ANO10: variants seen among roughly 807,000 people sequenced by gnomAD.
ANO10 encodes the protein anoctamin 10, also known as anoctamin-10.
In ANO10, 77 loss-of-function variants were observed where a neutral mutation model predicts 74.7. That is an observed-to-expected ratio of 1.03 (90% confidence interval 0.86 to 1.25). ANO10 has a LOEUF of 1.25. Among genes scored for constraint, ANO10 ranks in the 50% most tolerant of loss-of-function variants. The probability of loss-of-function intolerance (pLI) is 0.00; values close to 1 mark genes in which losing one functional copy is unlikely to be tolerated. For synonymous variants in ANO10, 279 were observed against 284.9 expected (o/e 0.98, Z 0.21); for missense variants, 721 against 778.1 (o/e 0.93, Z 0.87).
At chr3:43,624,044 A>T (rs1431238108), upstream of ANO10, among the ~76,000 whole-genome samples, 1 of 152,230 alleles carries the variant, frequency 6.6e-6, no homozygotes, top group Non-Finnish European at 1.5e-5. Flanking sequence ...ATGGAAATAT[A>T]AAAGTCATTT....
Position 43,448,873 on chromosome 3 carries a change from C to CTT in ANO10, c.1798-16148_1798-16147dup, listed in dbSNP as rs35711363. Among the ~76,000 whole-genome samples the CTT allele has an allele frequency of 8.6e-3, 1,160 of 134,178 alleles. 17 individuals carry two copies. The highest frequency in any genetic ancestry group is 0.011 in the Non-Finnish European group (726 of 63,326). 88.0% of individuals were successfully genotyped at this position (134,178 alleles called of 152,430 possible). On this transcript the variant is annotated intron_variant, in intron 11 of 12. Coordinates refer to ENST00000292246, the MANE Select transcript of ANO10 (RefSeq NM_018075.5). ...GTTTTCTTTCTTTCTTTCTTTCTTTCTTTTTTTTTTTTTTTGGAGACAGAG... is the reference window on the plus strand; with the variant it reads ...GTTTTCTTTCTTTCTTTCTTTCTTTCTTTTTTTTTTTTTTTTTGGAGACAGAG...
At chr3:43,676,296 A>G (rs2084120377) in intron 1 of ANO10, among the ~76,000 whole-genome samples, 1 of 145,018 alleles carries the variant, frequency 6.9e-6, no homozygotes. Flanking sequence ...CTGTATGTAC[A>G]AAAAAAAGAA....
chr3:43,443,809 T>C (rs1292206400), intron 11 of ANO10, among the ~76,000 whole-genome samples: 1 of 151,056 alleles, frequency 6.6e-6, no homozygotes, highest in African/African-American at 2.4e-5. Context: ...GCCTCCTGAG[T>C]AGCTGGGATT....
intron 1 of ANO10, among the ~76,000 whole-genome samples, chr3:43,683,445 G>A (rs887284387): frequency 1.3e-5 from 2 of 152,112 alleles, no homozygotes; most frequent in African/African-American, 4.8e-5. Flanking sequence ...CAAACAAATG[G>A]AAGAACATTC....
At chr3:43,566,474 C>T (rs559489669) in intron 7 of ANO10, among the ~76,000 whole-genome samples, 15 of 152,302 alleles carry the variant, frequency 9.8e-5, no homozygotes, top group South Asian at 8.3e-4. Flanking sequence ...TCTCCCAGCA[C>T]GCAGCTGGAG....
Position 43,549,642 on chromosome 3 carries a change from C to A in ANO10, c.1797+78G>T, listed in dbSNP as rs9874278. ...ATATTGCTCAATTGTCAGTCATGGA[C>A]AGCCCGAGACAGCACTGCTTTGGAA... On this transcript the variant is annotated intron_variant, in intron 11 of 12. Transcript: ENST00000292246. 67,534 of 1,523,214 alleles carry A rather than the reference C, an allele frequency of 0.044. 2,593 individuals carry two copies. Among genetic ancestry groups the A allele is most frequent in the African/African-American group, 0.17 (12,509 of 73,112 alleles). The allele number at this position is 1,523,214 out of a possible 1,614,324, so 94.4% of individuals were successfully genotyped here.
chr3:43,506,766 A>T (rs1263232595), intron 11 of ANO10, among the ~76,000 whole-genome samples: 1 of 152,080 alleles, frequency 6.6e-6, no homozygotes, highest in Non-Finnish European at 1.5e-5. Flanking sequence ...CTTAACCCAG[A>T]AATCATTCTC....
intron 1 of ANO10, among the ~76,000 whole-genome samples, chr3:43,613,184 A>C (rs576076755): frequency 6.6e-6 from 1 of 152,252 alleles, no homozygotes; most frequent in Admixed American, 6.5e-5. Context: ...AAAAAAAAAA[A>C]ATCAAGTTAT....
At chr3:43,591,101 G>A (rs1202346187) in intron 4 of ANO10, among the ~76,000 whole-genome samples, 2 of 152,186 alleles carry the variant, frequency 1.3e-5, no homozygotes, top group Admixed American at 1.3e-4. Context: ...CCATCATATG[G>A]TAGCTCTGTT....
chr3:43,446,195 G>A (rs866908408), intron 11 of ANO10, among the ~76,000 whole-genome samples: 2 of 152,204 alleles, frequency 1.3e-5, no homozygotes, highest in Non-Finnish European at 2.9e-5. Context: ...GTGGATTCAG[G>A]AAGGAATGCT....
At chr3:43,432,838 C>T (rs11718072) in intron 11 of ANO10, 111 bp from the exon 12 acceptor site, 2 of 752,146 alleles carry the variant, frequency 2.7e-6, no homozygotes, top group Admixed American at 4.1e-5. Flanking sequence ...TGGGTAATTT[C>T]TAAGTATTGG....
intron 10 of ANO10, chr3:43,551,538 G>C: frequency 6.6e-6 from 3 of 457,148 alleles, no homozygotes; most frequent in South Asian, 4.6e-5. Context: ...GATTCCTCAT[G>C]ACCTTGCAAT....
intron 1 of ANO10, among the ~76,000 whole-genome samples, chr3:43,671,458 C>G (rs1343818009): frequency 6.6e-6 from 1 of 151,978 alleles, no homozygotes; most frequent in Non-Finnish European, 1.5e-5. Context: ...CTAGGAGACT[C>G]AAGGAAGAAA....
intron 11 of ANO10, among the ~76,000 whole-genome samples, chr3:43,506,772 T>C (rs1350737756): frequency 6.6e-6 from 1 of 152,122 alleles, no homozygotes; most frequent in African/African-American, 2.4e-5. Flanking sequence ...CCAGAAATCA[T>C]TCTCCCTAGG....
intron 4 of ANO10, among the ~76,000 whole-genome samples, chr3:43,592,198 A>G (rs1283799658): frequency 6.6e-6 from 1 of 152,244 alleles, no homozygotes; most frequent in Non-Finnish European, 1.5e-5. Flanking sequence ...AAAAGGCAGC[A>G]GAAACTTCTG....
chr3:43,559,831 AACC>A (rs2079940035), intron 9 of ANO10, among the ~76,000 whole-genome samples: 1 of 152,232 alleles, frequency 6.6e-6, no homozygotes, highest in Non-Finnish European at 1.5e-5. Flanking sequence ...GCTAGCACTC[AACC>A]AATCCAGAAA....
intron 11 of ANO10, among the ~76,000 whole-genome samples, chr3:43,450,047 A>C (rs2074789069): frequency 6.6e-6 from 1 of 152,206 alleles, no homozygotes; most frequent in African/African-American, 2.4e-5. Context: ...GAGCTAATGT[A>C]AATGGTATTA....
intron 4 of ANO10, among the ~76,000 whole-genome samples, chr3:43,591,373 T>C (rs953557331): frequency 3.9e-5 from 6 of 152,152 alleles, no homozygotes; most frequent in African/African-American, 9.7e-5. Context: ...AGCTGAACAC[T>C]AGTTGCTGGG....
chr3:43,665,269 C>T (rs931193796), intron 1 of ANO10, among the ~76,000 whole-genome samples: 3 of 152,098 alleles, frequency 2.0e-5, no homozygotes, highest in Non-Finnish European at 4.4e-5. Flanking sequence ...CAAACTATCA[C>T]AAGATCAGAA....
Sources: allele counts gnomAD v4.1 joint callset (sites outside exome capture counted in the v4.1 genomes callset), GRCh38; gene constraint gnomAD v4.1.1; transcripts MANE v1.5; gene names NCBI Gene and HGNC (gene_info 2026-07-23, HGNC 2026-07-21).